The following GPR158 variants were observed in gnomAD, a reference collection of about 807,000 sequenced individuals.
GPR158 encodes the protein metabotropic glycine receptor.
In GPR158, 30 loss-of-function variants were observed where a neutral mutation model predicts 78.2. The ratio of observed to expected loss-of-function variants is 0.38; its 90% CI spans 0.29 to 0.52. The LOEUF (loss-of-function observed/expected upper bound fraction) is 0.52. Ranked by LOEUF, GPR158 falls within the 20% of genes least tolerant of loss-of-function variation. The pLI is 0.83. For synonymous variants in GPR158, 581 were observed against 591.1 expected (o/e 0.98, Z 0.25); for missense variants, 1,463 against 1,523.5 (o/e 0.96, Z 0.66).
At chr10:25,210,499 G>C (rs542259888) in intron 1 of GPR158, among the ~76,000 whole-genome samples, 1 of 152,298 alleles carries the variant, frequency 6.6e-6, no homozygotes, top group South Asian at 2.1e-4. Context: ...GGTTCCTATA[G>C]CCTCACATTC....
chr10:25,549,148 A>G (rs947962100), intron 5 of GPR158, among the ~76,000 whole-genome samples: 10 of 152,146 alleles, frequency 6.6e-5, no homozygotes, highest in Non-Finnish European at 1.5e-4. Context: ...GAGATTTTAC[A>G]TATTCCAGAC....
At chr10:25,324,717 G>A (rs1198639853) in intron 2 of GPR158, among the ~76,000 whole-genome samples, 2 of 152,008 alleles carry the variant, frequency 1.3e-5, no homozygotes, top group Non-Finnish European at 2.9e-5. Flanking sequence ...GCACAATAAA[G>A]CAAAGTGCAA....
In GPR158 at chr10:25,175,615, C is replaced by A. The variant is rs200216703; in HGVS notation, c.195C>A (p.Thr65=). The change falls in exon 1 of 11, where the codon ACC becomes ACA. Residue 65 remains threonine, a synonymous_variant. Transcript: ENST00000376351. The surrounding 1 kb of genome is among the most constrained non-coding windows in gnomAD (Gnocchi z 6.4). ...SDSSAPWSRS[T]DGTILAQKLA... ...CCTCGGCTCCCTGGAGCCGCTCCAC[C>A]GATGGCACCATCTTGGCGCAGAAAC... 5 of 1,610,950 alleles carry A rather than the reference C, an allele frequency of 3.1e-6. No individual in the cohort carries two copies. Among genetic ancestry groups the A allele is most frequent in the Non-Finnish European group, 4.2e-6 (5 of 1,179,890 alleles).
intron 2 of GPR158, among the ~76,000 whole-genome samples, chr10:25,364,408 A>G (rs1397137932): frequency 1.3e-5 from 2 of 151,928 alleles, no homozygotes; most frequent in Non-Finnish European, 1.5e-5. Flanking sequence ...CCATTTCTCC[A>G]TAAATTTGAA....
chr10:25,513,645 T>G (rs1836118602), intron 5 of GPR158, among the ~76,000 whole-genome samples: 4 of 152,156 alleles, frequency 2.6e-5, no homozygotes, highest in African/African-American at 4.8e-5. Flanking sequence ...ACTTTTGATG[T>G]AGGCATTTAA....
chr10:25,372,158 A>T (rs1834004296), intron 2 of GPR158, among the ~76,000 whole-genome samples: 1 of 151,876 alleles, frequency 6.6e-6, no homozygotes, highest in Non-Finnish European at 1.5e-5. Flanking sequence ...CCACAATGAG[A>T]TACCATCTCA....
At chr10:25,349,338 A>T (rs2130516856) in intron 2 of GPR158, among the ~76,000 whole-genome samples, 1 of 151,826 alleles carries the variant, frequency 6.6e-6, no homozygotes, top group East Asian at 2.0e-4. Flanking sequence ...TGTAGGCTCA[A>T]CTCCTCATCT....
rs184420592 is a variant in GPR158 at position 25,203,844 on chromosome 10, T to C, written c.903-17208T>C. On this transcript the variant is annotated intron_variant, in intron 1 of 10. Coordinates refer to ENST00000376351, the MANE Select transcript of GPR158 (RefSeq NM_020752.3). ...GATGGCACTGAATCTATAAATTACC[T>C]TGGGCAGTTTGGCCATTTTCACAAT... Among the ~76,000 whole-genome samples the C allele has an allele frequency of 3.4e-4, 49 of 144,810 alleles. 4 individuals are homozygous for C. Among genetic ancestry groups the C allele is most frequent in the Admixed American group, 1.1e-3 (16 of 14,228 alleles).
chr10:25,534,484 AAAAACAAAAC>A (rs66648229), intron 5 of GPR158, among the ~76,000 whole-genome samples: 3 of 152,010 alleles, frequency 2.0e-5, no homozygotes, highest in Non-Finnish European at 2.9e-5. Flanking sequence ...TAAAAATGCA[AAAAACAAAAC>A]AAAACAAAAC....
At chr10:25,503,723 A>G (rs911885902) in intron 5 of GPR158, among the ~76,000 whole-genome samples, 1 of 152,136 alleles carries the variant, frequency 6.6e-6, no homozygotes, top group Non-Finnish European at 1.5e-5. Context: ...TGTCCTGGCT[A>G]TGATGTTGCT....
At chr10:25,531,500 C>G (rs10508698) in intron 5 of GPR158, among the ~76,000 whole-genome samples, 8,929 of 152,144 alleles carry the variant, frequency 0.059, 303 homozygotes, top group Admixed American at 0.092. Flanking sequence ...ATAGTTACAC[C>G]TAGATATTTA....
At chr10:25,540,955 T>A (rs925663697) in intron 5 of GPR158, among the ~76,000 whole-genome samples, 69 of 118,560 alleles carry the variant, frequency 5.8e-4, no homozygotes, top group East Asian at 2.2e-3. Context: ...AATATATATA[T>A]ATATATATAT....
intron 5 of GPR158, among the ~76,000 whole-genome samples, chr10:25,526,295 G>A (rs1836346678): frequency 6.6e-6 from 1 of 152,040 alleles, no homozygotes; most frequent in Non-Finnish European, 1.5e-5. Flanking sequence ...TAAAGGAACT[G>A]CACTAGGTAG....
At chr10:25,257,757 C>G (rs1200775256) in intron 2 of GPR158, among the ~76,000 whole-genome samples, 1 of 151,918 alleles carries the variant, frequency 6.6e-6, no homozygotes, top group Non-Finnish European at 1.5e-5. Context: ...TTTGAATGGC[C>G]CTTAAGTTTT....
chr10:25,202,665 T>C (rs939901670), intron 1 of GPR158, among the ~76,000 whole-genome samples: 9 of 152,218 alleles, frequency 5.9e-5, no homozygotes, highest in African/African-American at 2.2e-4. Flanking sequence ...TGTTGGACAT[T>C]TGGATTGGTT....
intron 6 of GPR158, among the ~76,000 whole-genome samples, chr10:25,571,264 A>G (rs1046627570): frequency 6.6e-6 from 1 of 152,216 alleles, no homozygotes; most frequent in Admixed American, 6.5e-5. Context: ...GACGTTCCAC[A>G]GAAAAATTGA....
rs533751520 is a variant in GPR158 at position 25,579,774 on chromosome 10, A to G, written c.1753+6887A>G. On this transcript the variant is annotated intron_variant, in intron 7 of 10. Coordinates refer to ENST00000376351, the MANE Select transcript of GPR158 (RefSeq NM_020752.3). Reference sequence around the variant, plus strand: ...AGTTTCTTCCAGAAGTTAGGTGATGATAGAATGTTATAAAAAGTTATGTAA... The same window carrying G: ...AGTTTCTTCCAGAAGTTAGGTGATGGTAGAATGTTATAAAAAGTTATGTAA... 4.6e-5 allele frequency among the ~76,000 whole-genome samples: 7 copies of G among 152,328 alleles called. No homozygotes were observed. In the East Asian group the frequency reaches 9.6e-4, roughly 21 times the overall value.
At chr10:25,436,808 T>G (rs1294142183) in intron 4 of GPR158, among the ~76,000 whole-genome samples, 4 of 152,190 alleles carry the variant, frequency 2.6e-5, no homozygotes, top group Non-Finnish European at 5.9e-5. Context: ...GCATGTTGAC[T>G]AGACAGTGAC....
intron 6 of GPR158, among the ~76,000 whole-genome samples, chr10:25,553,983 C>A (rs941572638): frequency 6.6e-6 from 1 of 151,996 alleles, no homozygotes; most frequent in Non-Finnish European, 1.5e-5. Flanking sequence ...TTTTTGGTTG[C>A]AAACAAAATG....
Sources: gnomAD v4.1 joint callset for allele counts (sites outside exome capture counted in the v4.1 genomes callset) on GRCh38, gnomAD v4.1.1 for gene constraint, Gnocchi (gnomAD v3.1) non-coding constraint, MANE v1.5 for transcripts, NCBI Gene and HGNC (gene_info 2026-07-23, HGNC 2026-07-21) for gene names.